TSPAN15: variants seen among roughly 807,000 people sequenced by gnomAD.
TSPAN15 encodes tetraspanin 15.
TSPAN15 carries 20 observed loss-of-function variants against 34.5 expected under a neutral mutation model. The observed-to-expected ratio is 0.58, with a 90% CI of 0.41 to 0.84. The LOEUF (loss-of-function observed/expected upper bound fraction) is 0.84, where lower values mean the gene tolerates loss of function less well. TSPAN15 is among the 40% of genes least tolerant of loss of function. The probability of loss-of-function intolerance (pLI) is 0.00; values close to 1 mark genes in which losing one functional copy is unlikely to be tolerated. For synonymous variants in TSPAN15, 155 were observed against 153.9 expected (o/e 1.01, Z -0.05); for missense variants, 313 against 386.1 (o/e 0.81, Z 1.59).
At chr10:69,482,965 ATT>A (rs201958040) in intron 1 of TSPAN15, among the ~76,000 whole-genome samples, 2 of 151,032 alleles carry the variant, frequency 1.3e-5, no homozygotes, top group Admixed American at 6.6e-5. Context: ...GGCAGGGTTG[ATT>A]TTTTTTTTTT....
the TSPAN15 span, among the ~76,000 whole-genome samples, chr10:69,532,895 G>A: frequency 6.6e-6 from 1 of 152,052 alleles, no homozygotes; most frequent in Non-Finnish European, 1.5e-5. Context: ...TCAAAAGAAG[G>A]TATACAAATG....
intron 5 of TSPAN15, 149 bp downstream of exon 5, chr10:69,498,545 T>A (rs570155399): frequency 1.6e-6 from 1 of 643,670 alleles, no homozygotes; most frequent in African/African-American, 1.8e-5. Context: ...GCTTTCCTGA[T>A]TCTCAAGGGC....
At chr10:69,531,945 A>C in the TSPAN15 span, among the ~76,000 whole-genome samples, 87 of 127,706 alleles carry the variant, frequency 6.8e-4, no homozygotes, top group Non-Finnish European at 1.0e-3. Context: ...CAAAACAAAA[A>C]AAAAACAAAA....
chr10:69,524,948 T>G, the TSPAN15 span, among the ~76,000 whole-genome samples: 1 of 147,322 alleles, frequency 6.8e-6, no homozygotes, highest in Non-Finnish European at 1.5e-5. Flanking sequence ...GCCCCACTAA[T>G]TTTTGTATTT....
chr10:69,457,855 G>A (rs1277657088), intron 1 of TSPAN15, among the ~76,000 whole-genome samples: 1 of 152,206 alleles, frequency 6.6e-6, no homozygotes, highest in East Asian at 1.9e-4. Context: ...CCTGGCACAT[G>A]ATGAACACTC....
chr10:69,502,483 T>C (rs372076790), intron 5 of TSPAN15, among the ~76,000 whole-genome samples: 1 of 152,282 alleles, frequency 6.6e-6, no homozygotes, highest in African/African-American at 2.4e-5. Flanking sequence ...CACACAAACA[T>C]TGCTGTGATC....
At chr10:69,459,105 CAAAAAAAAAA>C (rs1259881929) in intron 1 of TSPAN15, among the ~76,000 whole-genome samples, 4 of 57,734 alleles carry the variant, frequency 6.9e-5, no homozygotes, top group Non-Finnish European at 1.6e-4. Flanking sequence ...ACAAAACAGA[CAAAAAAAAAA>C]AAAAAAAAAA....
chr10:69,530,857 T>TATATATATAG, the TSPAN15 span, among the ~76,000 whole-genome samples: 1 of 105,282 alleles, frequency 9.5e-6, no homozygotes, highest in African/African-American at 3.5e-5. Context: ...TATATATATA[T>TATATATATAG]ATGCAAACAT....
intron 3 of TSPAN15, among the ~76,000 whole-genome samples, chr10:69,490,273 G>A (rs180854144): frequency 1.3e-5 from 2 of 152,296 alleles, no homozygotes; most frequent in African/African-American, 4.8e-5. Flanking sequence ...GTTTTCCCTT[G>A]GTGTCCGACG....
At chr10:69,475,214 G>C (rs555409807) in intron 1 of TSPAN15, among the ~76,000 whole-genome samples, 2 of 152,290 alleles carry the variant, frequency 1.3e-5, no homozygotes, top group South Asian at 4.2e-4. Flanking sequence ...TTAACCATGA[G>C]TCATTCTTAT....
the TSPAN15 span, among the ~76,000 whole-genome samples, chr10:69,517,152 C>T: frequency 6.6e-6 from 1 of 152,192 alleles, no homozygotes; most frequent in Non-Finnish European, 1.5e-5. Flanking sequence ...TTTGATGTCA[C>T]CTGTCACCTC....
In TSPAN15 at chr10:69,477,626, C is replaced by G. The variant is rs80137017; in HGVS notation, c.97-6065C>G. 8.5e-4 allele frequency among the ~76,000 whole-genome samples: 130 copies of G among 152,310 alleles called. 1 individual carries two copies. Among genetic ancestry groups the G allele is most frequent in the Non-Finnish European group, 1.6e-3 (110 of 68,024 alleles). On this transcript the variant is annotated intron_variant, in intron 1 of 7. Coordinates refer to ENST00000373290, the MANE Select transcript of TSPAN15 (RefSeq NM_012339.5). ...AAGAGCTTGCTAGCCACACGTGGCT[C>G]GTGGATACCACACTAGGTGTTGGCA... is the stretch of plus-strand genomic sequence containing the variant.
In TSPAN15 at chr10:69,495,483, C is replaced by T. The variant is rs369636386; in HGVS notation, c.358-111C>T. 1,254 of 753,820 alleles carry T rather than the reference C, an allele frequency of 1.7e-3. 25 individuals carry two copies. The South Asian group carries it at 0.019, about 12-fold the overall frequency. 46.7% of individuals were successfully genotyped at this position (753,820 alleles called of 1,614,324 possible). A position where few individuals can be genotyped will look rare whatever the true frequency, so the allele number is the denominator to read the frequency against. The stretch of plus-strand genomic sequence containing the variant: ...GAGGGGGCTCCATGCTGGCTGGGCG[C>T]GAGCTGCATTGGCACAAGGCATTCT... On this transcript the variant is annotated intron_variant, in intron 3 of 7. Transcript: ENST00000373290.
At chr10:69,495,934 C>T (rs574290236) in intron 4 of TSPAN15, among the ~76,000 whole-genome samples, 44 of 152,288 alleles carry the variant, frequency 2.9e-4, no homozygotes, top group African/African-American at 1.1e-3. Context: ...CCTTCTGTTC[C>T]TCTCCAGTTA....
At chr10:69,540,216 C>A in the TSPAN15 span, among the ~76,000 whole-genome samples, 1 of 151,950 alleles carries the variant, frequency 6.6e-6, no homozygotes, top group Non-Finnish European at 1.5e-5. Context: ...CACGGTGAAA[C>A]CCCATCTCTA....
the TSPAN15 span, among the ~76,000 whole-genome samples, chr10:69,535,604 A>G: frequency 4.3e-4 from 65 of 152,380 alleles, no homozygotes; most frequent in African/African-American, 1.4e-3. Context: ...GCTAAGAAAT[A>G]GAATATCTGG....
chr10:69,547,828 G>A, the TSPAN15 span, among the ~76,000 whole-genome samples: 4 of 152,190 alleles, frequency 2.6e-5, no homozygotes, highest in African/African-American at 7.2e-5. Flanking sequence ...GCAGAGATGG[G>A]TGAAGAGTAG....
intron 1 of TSPAN15, among the ~76,000 whole-genome samples, chr10:69,455,615 TCTCTCTCTCTCCCCCCCCCGTC>T (rs1841082857): frequency 1.4e-3 from 138 of 102,028 alleles, no homozygotes; most frequent in African/African-American, 1.6e-3. Context: ...TTTCTCTCTC[TCTCTCTCTCTCCCCCCCCCGTC>T]TCTTTCTTTC....
intron 3 of TSPAN15, among the ~76,000 whole-genome samples, chr10:69,491,501 T>G (rs565434657): frequency 6.6e-6 from 1 of 151,952 alleles, no homozygotes; most frequent in South Asian, 2.1e-4. Context: ...TAGTTGGGAC[T>G]ACAGGTGCAT....
Sources: gnomAD v4.1 joint callset for allele counts (sites outside exome capture counted in the v4.1 genomes callset) on GRCh38, gnomAD v4.1.1 for gene constraint, MANE v1.5 for transcripts, NCBI Gene and HGNC (gene_info 2026-07-23, HGNC 2026-07-21) for gene names.